Variants in EIPR1 observed in about 807,000 individuals in gnomAD.
EIPR1 encodes EARP complex and GARP complex interacting protein 1, also known as EARP and GARP complex-interacting protein 1.
Under a neutral mutation model 48.1 loss-of-function variants are expected in EIPR1, and 25 were observed. That is an observed-to-expected ratio of 0.52 (90% confidence interval 0.38 to 0.73). EIPR1 has a LOEUF of 0.73. EIPR1 is among the 30% of genes least tolerant of loss of function. The pLI is 0.00. For synonymous variants in EIPR1, 204 were observed against 201.9 expected (o/e 1.01, Z -0.09); for missense variants, 415 against 506.2 (o/e 0.82, Z 1.73).
chr2:3,361,087 T>C (rs1670840828), intron 1 of EIPR1, among the ~76,000 whole-genome samples: 1 of 152,154 alleles, frequency 6.6e-6, no homozygotes, highest in African/African-American at 2.4e-5. Flanking sequence ...AGAATTGAAG[T>C]GCATTAAAAG....
intron 2 of EIPR1, among the ~76,000 whole-genome samples, chr2:3,342,902 C>T (rs889028414): frequency 6.6e-6 from 1 of 152,118 alleles, no homozygotes; most frequent in South Asian, 2.1e-4. Context: ...TGTTTTAACT[C>T]GGGGCTGTTC....
At chr2:3,203,463 C>T (rs1339103323) in intron 5 of EIPR1, among the ~76,000 whole-genome samples, 1 of 152,222 alleles carries the variant, frequency 6.6e-6, no homozygotes, top group African/African-American at 2.4e-5. Context: ...CGGTAGTCAG[C>T]GACAAAACAG....
Position 3,377,678 on chromosome 2 carries a change from A to T in EIPR1, c.12T>A (p.Asp4Glu). Residue 4 changes from aspartate to glutamate, a missense_variant, in exon 1 of 9, where the codon GAT (aspartate) becomes GAA (glutamate). Physicochemically the swap from Asp to Glu is conservative, Grantham distance 45. Coordinates refer to ENST00000382125, the MANE Select transcript of EIPR1 (RefSeq NM_003310.5). MEDDAPVIYGLEFQ... is the reference protein window; with the variant it reads MEDEAPVIYGLEFQ... ...ACTCCAGCCCGTAGATCACTGGTGCATCGTCCTCCATGCTGCGGGGAAGCG... is the reference window on the plus strand; with the variant it reads ...ACTCCAGCCCGTAGATCACTGGTGCTTCGTCCTCCATGCTGCGGGGAAGCG... 1.3e-6 allele frequency: 2 copies of T among 1,581,566 alleles called. No individual in the cohort carries two copies.
intron 4 of EIPR1, among the ~76,000 whole-genome samples, chr2:3,248,313 G>A (rs893107989): frequency 1.3e-5 from 2 of 152,098 alleles, no homozygotes; most frequent in Non-Finnish European, 2.9e-5. Flanking sequence ...CCGGGCATGA[G>A]CTGGGTGCGG....
At chr2:3,283,084 T>C (rs552590332) in intron 3 of EIPR1, among the ~76,000 whole-genome samples, 53 of 152,306 alleles carry the variant, frequency 3.5e-4, no homozygotes, top group Non-Finnish European at 6.5e-4. Context: ...GTCTTCCCTG[T>C]TTTTGCAGTC....
intron 4 of EIPR1, among the ~76,000 whole-genome samples, chr2:3,223,093 C>G (rs189527989): frequency 3.3e-5 from 5 of 152,142 alleles, no homozygotes; most frequent in Non-Finnish European, 7.4e-5. Flanking sequence ...TTCACAGGAC[C>G]AGGACTGAAG....
At chr2:3,229,616 T>C (rs1666174199) in intron 4 of EIPR1, among the ~76,000 whole-genome samples, 1 of 152,288 alleles carries the variant, frequency 6.6e-6, no homozygotes, top group Admixed American at 6.5e-5. Flanking sequence ...CAATTTTCAG[T>C]TCAACGTGAT....
chr2:3,206,078 C>T (rs1281944448), intron 5 of EIPR1, among the ~76,000 whole-genome samples: 2 of 152,154 alleles, frequency 1.3e-5, no homozygotes, highest in Non-Finnish European at 2.9e-5. Context: ...GCTGGAGTCC[C>T]TGAGGCCCAG....
Position 3,289,936 on chromosome 2 carries a change from C to T in EIPR1, c.260-32481G>A, listed in dbSNP as rs368880308. On this transcript the variant is annotated intron_variant, in intron 3 of 8. Coordinates refer to ENST00000382125, the MANE Select transcript of EIPR1 (RefSeq NM_003310.5). ...TTGTCACGGCCTCCAGGGTGAGTGC[C>T]GCAGTTCCAGCTGCCACGGTCGCTC... Among the ~76,000 whole-genome samples the T allele has an allele frequency of 5.1e-4, 78 of 152,352 alleles. No individual in the cohort carries two copies. The East Asian group carries it at 0.013, about 26-fold the overall frequency.
chr2:3,247,859 G>A (rs766203413), intron 4 of EIPR1, among the ~76,000 whole-genome samples: 11 of 152,192 alleles, frequency 7.2e-5, no homozygotes, highest in Admixed American at 4.6e-4. Flanking sequence ...TAAGGGTGAC[G>A]TTGGTATTCA....
At chr2:3,305,492 G>GCCCTCCACTCCTGTCCAGTTCAA (rs1206410214) in intron 3 of EIPR1, among the ~76,000 whole-genome samples, 1 of 147,642 alleles carries the variant, frequency 6.8e-6, no homozygotes, top group Non-Finnish European at 1.5e-5. Context: ...CGTCAGTTCA[G>GCCCTCCACTCCTGTCCAGTTCAA]CCCTCCACTC....
chr2:3,279,400 C>G (rs1053534247), intron 3 of EIPR1, among the ~76,000 whole-genome samples: 1 of 152,144 alleles, frequency 6.6e-6, no homozygotes, highest in African/African-American at 2.4e-5. Context: ...TTGAGCCCAG[C>G]GAGGTAGCGT....
At chr2:3,296,687 C>T (rs1247180092) in intron 3 of EIPR1, among the ~76,000 whole-genome samples, 2 of 149,484 alleles carry the variant, frequency 1.3e-5, no homozygotes, top group Admixed American at 6.7e-5. Context: ...TCCAGCCCGT[C>T]CTCTCTCTGC....
At chr2:3,208,702 C>T (rs190863607) in intron 5 of EIPR1, 8 of 1,550,120 alleles carry the variant, frequency 5.2e-6, no homozygotes, top group African/African-American at 2.7e-5. Flanking sequence ...AGGAAACACT[C>T]GGCGGGTCCT....
At chr2:3,191,903 T>C (rs911790064) in intron 8 of EIPR1, among the ~76,000 whole-genome samples, 3 of 152,166 alleles carry the variant, frequency 2.0e-5, no homozygotes, top group African/African-American at 7.2e-5. Context: ...TTGTAGAGTA[T>C]CTAGAAGTGA....
At position 3,299,620 on chromosome 2, in the gene EIPR1, T is replaced by TCACACA. The variant is rs1327026136; in HGVS notation, c.259+38396_259+38397insTGTGTG. Reference sequence around the variant, plus strand: ...AAAATATTTTCTCTCTCTCTCTCTCTCTCTCACACACACACACACACACAC... The same window carrying TCACACA: ...AAAATATTTTCTCTCTCTCTCTCTCTCACACACTCTCACACACACACACACACACAC... On this transcript the variant is annotated intron_variant, in intron 3 of 8. Transcript: ENST00000382125. Among the ~76,000 whole-genome samples the TCACACA allele has an allele frequency of 2.7e-3, 329 of 121,384 alleles. 2 individuals carry two copies. Among genetic ancestry groups the TCACACA allele is most frequent in the African/African-American group, 3.6e-3 (120 of 33,396 alleles). The allele number at this position is 121,384 out of a possible 152,430, so 79.6% of individuals were successfully genotyped here.
At chr2:3,295,115 G>A (rs543816452) in intron 3 of EIPR1, among the ~76,000 whole-genome samples, 14 of 135,646 alleles carry the variant, frequency 1.0e-4, no homozygotes, top group African/African-American at 4.0e-4. Context: ...CCTCCATCCA[G>A]CCCATCCTCT....
At chr2:3,194,465 G>C (rs994447529) in intron 6 of EIPR1, 1 of 235,536 alleles carries the variant, frequency 4.2e-6, no homozygotes, top group Non-Finnish European at 8.4e-6. Flanking sequence ...ATCATCTTGA[G>C]AATGAAAGCA....
At chr2:3,327,595 C>A (rs930106790) in intron 3 of EIPR1, among the ~76,000 whole-genome samples, 6 of 152,166 alleles carry the variant, frequency 3.9e-5, no homozygotes, top group African/African-American at 1.4e-4. Flanking sequence ...CATCAGCTCA[C>A]ACAGTTGCTC....
Sources: gnomAD v4.1 joint callset for allele counts (sites outside exome capture counted in the v4.1 genomes callset) on GRCh38, gnomAD v4.1.1 for gene constraint, MANE v1.5 for transcripts, NCBI Gene and HGNC (gene_info 2026-07-23, HGNC 2026-07-21) for gene names.